Variants in PLCZ1 observed in about 807,000 individuals in gnomAD.
The protein encoded by PLCZ1 is phospholipase C zeta 1.
Under a neutral mutation model 76.8 loss-of-function variants are expected in PLCZ1, and 64 were observed. The ratio of observed to expected loss-of-function variants is 0.83; its 90% CI spans 0.68 to 1.03. The LOEUF is 1.03. Among genes scored for constraint, PLCZ1 ranks in the 50% least tolerant of loss-of-function variants. PLCZ1 has a pLI of 0.00. For synonymous variants in PLCZ1, 248 were observed against 230.8 expected (o/e 1.07, Z -0.68); for missense variants, 751 against 713.7 (o/e 1.05, Z -0.60).
chr12:18,687,527 A>G (rs1216283474), intron 13 of PLCZ1, among the ~76,000 whole-genome samples: 1 of 152,104 alleles, frequency 6.6e-6, no homozygotes, highest in African/African-American at 2.4e-5. Flanking sequence ...ACTGTGTAAG[A>G]TGTCATAGCA....
At chr12:18,659,979 T>G in the PLCZ1 span, among the ~76,000 whole-genome samples, 1 of 152,076 alleles carries the variant, frequency 6.6e-6, no homozygotes, top group South Asian at 2.1e-4. Flanking sequence ...TAAAGATAAG[T>G]AAATGTAAAA....
the PLCZ1 span, among the ~76,000 whole-genome samples, chr12:18,646,474 T>C: frequency 2.6e-5 from 4 of 152,122 alleles, no homozygotes; most frequent in Admixed American, 6.6e-5. Flanking sequence ...TGAATCATTG[T>C]TCAGAGTCAC....
intron 6 of PLCZ1, among the ~76,000 whole-genome samples, chr12:18,709,810 T>C (rs1180389451): frequency 3.9e-5 from 6 of 152,182 alleles, no homozygotes; most frequent in Admixed American, 3.9e-4. Context: ...GGATATCTTT[T>C]CACGTATTTG....
the PLCZ1 span, among the ~76,000 whole-genome samples, chr12:18,654,801 C>A: frequency 6.6e-6 from 1 of 152,082 alleles, no homozygotes; most frequent in African/African-American, 2.4e-5. Flanking sequence ...GGATAAGTGA[C>A]AAACATCGAA....
intron 6 of PLCZ1, 100 bp from the exon 7 acceptor site, chr12:18,705,415 C>T (rs556651556): frequency 2.6e-4 from 369 of 1,397,744 alleles, no homozygotes; most frequent in Non-Finnish European, 3.5e-4. Flanking sequence ...TTACTTCTAA[C>T]GTTTAGTACC....
chr12:18,662,106 T>C, the PLCZ1 span, among the ~76,000 whole-genome samples: 5 of 152,096 alleles, frequency 3.3e-5, no homozygotes, highest in South Asian at 2.1e-4. Flanking sequence ...ATGAGAACAA[T>C]AGACACTGGG....
At chr12:18,699,588 T>C (rs535796298) in intron 10 of PLCZ1, among the ~76,000 whole-genome samples, 1 of 152,254 alleles carries the variant, frequency 6.6e-6, no homozygotes, top group Admixed American at 6.5e-5. Flanking sequence ...CAAAATGTCA[T>C]GGCTTAGGAA....
At chr12:18,736,389 G>T (rs1391882943) in intron 2 of PLCZ1, 45 bp from the exon 3 acceptor site, 3 of 1,583,200 alleles carry the variant, frequency 1.9e-6, no homozygotes, top group African/African-American at 2.7e-5. Context: ...GAAAGTCATT[G>T]AATATTTAAA....
chr12:18,651,011 G>T, the PLCZ1 span, among the ~76,000 whole-genome samples: 2 of 151,420 alleles, frequency 1.3e-5, no homozygotes, highest in Non-Finnish European at 2.9e-5. Context: ...ACTCTGCAGG[G>T]GCTTCTAATC....
intron 10 of PLCZ1, among the ~76,000 whole-genome samples, chr12:18,699,369 G>A (rs971234892): frequency 6.6e-6 from 1 of 152,164 alleles, no homozygotes; most frequent in Non-Finnish European, 1.5e-5. Context: ...CCCTTTGGCT[G>A]CTATCAGAGG....
In PLCZ1 at chr12:18,705,291, A is replaced by G; in HGVS notation, c.739T>C (p.Ser247Pro). 1 of 1,614,126 alleles carries G rather than the reference A, an allele frequency of 6.2e-7. No individual in the cohort carries two copies. The highest frequency in any genetic ancestry group is 1.1e-5 in the South Asian group (1 of 91,084). ...FMTSDYPVVL[S>P]LENHCSTAQQ... The stretch of plus-strand genomic sequence containing the variant: ...GCAGTGGAGCAGTGATTTTCTAAAG[A>G]GAGCACCACTGGGTAGTCAGATGTC... The change falls in exon 7 of 15, where the codon TCT (serine) becomes CCT (proline). Residue 247 changes from serine (S) to proline (P), a missense_variant. Coordinates refer to ENST00000266505, the MANE Select transcript of PLCZ1 (RefSeq NM_033123.4).
At position 18,730,756 on chromosome 12, in the gene PLCZ1, A is replaced by G. The variant is rs73056423; in HGVS notation, c.135+5465T>C. ...CACTTCAGATATCTCTGCCCTGAAG[A>G]TAACATAAAGAAACTTGATAATCAC... is the stretch of plus-strand genomic sequence containing the variant. On this transcript the variant is annotated intron_variant, in intron 3 of 14. Coordinates refer to ENST00000266505, the MANE Select transcript of PLCZ1 (RefSeq NM_033123.4). Among the ~76,000 whole-genome samples the G allele has an allele frequency of 6.2e-4, 95 of 152,312 alleles. 1 individual carries two copies. Among genetic ancestry groups the G allele is most frequent in the Non-Finnish European group, 6.2e-4 (42 of 68,024 alleles).
rs1046469466 is a variant in PLCZ1, at chr12:18,691,812, A to C, written c.1461+3098T>G. 2.6e-5 allele frequency among the ~76,000 whole-genome samples: 4 copies of C among 152,198 alleles called. No individual in the cohort carries two copies. The South Asian group carries it at 6.2e-4, about 24-fold the overall frequency. ...TATCCATTAAATGCTTCTACATCAG[A>C]GTCACAAACTCCTTAACAGACAATA... On this transcript the variant is annotated intron_variant, in intron 12 of 14. Coordinates refer to ENST00000266505, the MANE Select transcript of PLCZ1 (RefSeq NM_033123.4).
intron 5 of PLCZ1, among the ~76,000 whole-genome samples, chr12:18,714,229 C>T (rs1315838435): frequency 6.6e-6 from 1 of 152,266 alleles, no homozygotes; most frequent in African/African-American, 2.4e-5. Context: ...AATTATTTCA[C>T]AGACACATAC....
rs543621570 is a variant in PLCZ1 at position 18,713,178 on chromosome 12, T to C, written c.570-192A>G. ...TTGCATTAAAAGGGAAGACACATAC[T>C]ATCTGTGTAGTACAATACTGTGTCT... On this transcript the variant is annotated intron_variant, in intron 5 of 14. Transcript: ENST00000266505. Among the ~76,000 whole-genome samples the C allele has an allele frequency of 2.6e-5, 4 of 152,268 alleles. No homozygotes were observed. In the East Asian group the frequency reaches 7.7e-4, roughly 29 times the overall value.
intron 5 of PLCZ1, among the ~76,000 whole-genome samples, chr12:18,718,551 A>ACATGC (rs1304223304): frequency 1.3e-5 from 2 of 152,016 alleles, no homozygotes; most frequent in African/African-American, 2.4e-5. Context: ...TCTCATTTAA[A>ACATGC]CATGCCAATC....
At chr12:18,706,540 G>T (rs960013740) in intron 6 of PLCZ1, among the ~76,000 whole-genome samples, 7 of 152,184 alleles carry the variant, frequency 4.6e-5, no homozygotes, top group Non-Finnish European at 8.8e-5. Flanking sequence ...TTTATTAAGT[G>T]AAGGTGGCTC....
At chr12:18,723,957 G>A (rs1046035068) in intron 3 of PLCZ1, among the ~76,000 whole-genome samples, 1 of 152,098 alleles carries the variant, frequency 6.6e-6, no homozygotes, top group Non-Finnish European at 1.5e-5. Flanking sequence ...TGCAGAAGCT[G>A]TAGTAGTTAT....
At chr12:18,676,706 G>A in the PLCZ1 span, among the ~76,000 whole-genome samples, 9 of 152,066 alleles carry the variant, frequency 5.9e-5, no homozygotes, top group Non-Finnish European at 1.3e-4. Context: ...TTACTAACTT[G>A]CCTGCCCACT....
Sources: gnomAD v4.1 joint callset for allele counts (sites outside exome capture counted in the v4.1 genomes callset) on GRCh38, gnomAD v4.1.1 for gene constraint, MANE v1.5 for transcripts, NCBI Gene and HGNC (gene_info 2026-07-23, HGNC 2026-07-21) for gene names.